The following STK24 variants were observed in gnomAD, a reference collection of about 807,000 sequenced individuals.
STK24 encodes the protein serine/threonine kinase 24.
STK24 carries 21 observed loss-of-function variants against 55.6 expected under a neutral mutation model. The ratio of observed to expected loss-of-function variants is 0.38; its 90% CI spans 0.27 to 0.54. The LOEUF is 0.54. STK24 is among the 20% of genes least tolerant of loss of function. STK24 has a pLI of 0.79. For synonymous variants in STK24, 200 were observed against 215.2 expected (o/e 0.93, Z 0.62); for missense variants, 383 against 538.4 (o/e 0.71, Z 2.86).
chr13:98,483,829 C>T (rs1038878812), intron 2 of STK24, among the ~76,000 whole-genome samples: 1 of 152,198 alleles, frequency 6.6e-6, no homozygotes, highest in South Asian at 2.1e-4. Flanking sequence ...CGGTAAGATG[C>T]ACTGCATTTA....
chr13:98,503,430 T>G (rs761388854), intron 2 of STK24, among the ~76,000 whole-genome samples: 3 of 152,244 alleles, frequency 2.0e-5, no homozygotes, highest in Non-Finnish European at 4.4e-5. Context: ...ATTCATTTGG[T>G]GACCTTGAGT....
At chr13:98,497,433 A>G (rs1371627076) in intron 2 of STK24, among the ~76,000 whole-genome samples, 1 of 152,172 alleles carries the variant, frequency 6.6e-6, no homozygotes. Context: ...TAAGACACCA[A>G]TGTTTCTGTT....
chr13:98,465,997 A>G (rs1893913990), intron 6 of STK24, among the ~76,000 whole-genome samples: 2 of 152,226 alleles, frequency 1.3e-5, no homozygotes, highest in South Asian at 4.1e-4. Context: ...AAGTGAAAAC[A>G]TTTACTTTAA....
intron 2 of STK24, among the ~76,000 whole-genome samples, chr13:98,505,688 T>C (rs1424933843): frequency 6.6e-6 from 1 of 152,240 alleles, no homozygotes; most frequent in Non-Finnish European, 1.5e-5. Flanking sequence ...TAAATTTCTT[T>C]CAGCAATTCC....
chr13:98,509,531 T>C (rs1895807005), intron 2 of STK24, among the ~76,000 whole-genome samples: 1 of 152,206 alleles, frequency 6.6e-6, no homozygotes, highest in Non-Finnish European at 1.5e-5. Flanking sequence ...AAACATAAAA[T>C]TTGTATATTA....
At chr13:98,526,315 G>T (rs938437973) in intron 1 of STK24, among the ~76,000 whole-genome samples, 1 of 152,086 alleles carries the variant, frequency 6.6e-6, no homozygotes, top group Non-Finnish European at 1.5e-5. Flanking sequence ...TGCACACAGC[G>T]TGTAGCCAGC....
At chr13:98,489,343 A>G (rs1894931069) in intron 2 of STK24, among the ~76,000 whole-genome samples, 1 of 152,232 alleles carries the variant, frequency 6.6e-6, no homozygotes, top group South Asian at 2.1e-4. Context: ...TTACCTTCAG[A>G]GCAGCCCCTG....
rs565135040 is a variant in STK24 at position 98,498,296 on chromosome 13, T to C, written c.274-15975A>G. Among the ~76,000 whole-genome samples the C allele has an allele frequency of 7.9e-5, 12 of 152,302 alleles. No individual in the cohort carries two copies. In the South Asian group the frequency reaches 2.5e-3, roughly 32 times the overall value. Reference sequence around the variant, plus strand: ...TTGCTCCTAATGTCACTGGACAAAGTGGTGAAAGACTAGGATGAACTAAGG... The same window carrying C: ...TTGCTCCTAATGTCACTGGACAAAGCGGTGAAAGACTAGGATGAACTAAGG... On this transcript the variant is annotated intron_variant, in intron 2 of 10. Transcript: ENST00000539966.
At chr13:98,485,514 T>A (rs1206865370) in intron 2 of STK24, among the ~76,000 whole-genome samples, 4 of 152,206 alleles carry the variant, frequency 2.6e-5, no homozygotes, top group Non-Finnish European at 2.9e-5. Flanking sequence ...CTCAGAATCT[T>A]GTAGCCCCAA....
chr13:98,453,458 G>A, intron 10 of STK24: 1 of 498,870 alleles, frequency 2.0e-6, no homozygotes, highest in Non-Finnish European at 3.5e-6. Flanking sequence ...TCCCTGGAGA[G>A]ATGTGAATAA....
intron 3 of STK24, among the ~76,000 whole-genome samples, chr13:98,476,247 C>CT (rs1011411960): frequency 1.4e-5 from 2 of 147,412 alleles, no homozygotes; most frequent in Non-Finnish European, 3.0e-5. Context: ...GAAGCCCCCC[C>CT]CCGCCCCCTG....
chr13:98,544,040 A>G (rs930575770), intron 1 of STK24, among the ~76,000 whole-genome samples: 2 of 152,232 alleles, frequency 1.3e-5, no homozygotes, highest in African/African-American at 4.8e-5. Context: ...GGCTTCTAGT[A>G]AAAGCCATTA....
intron 7 of STK24, 55 bp from the exon 8 acceptor site, chr13:98,461,952 C>A: frequency 3.7e-6 from 6 of 1,600,410 alleles, no homozygotes; most frequent in Non-Finnish European, 5.1e-6. Context: ...GCTCTGGGGG[C>A]GCTGGGACGT....
intron 1 of STK24, among the ~76,000 whole-genome samples, chr13:98,531,052 C>G (rs760396468): frequency 1.3e-5 from 2 of 152,158 alleles, no homozygotes; most frequent in Non-Finnish European, 2.9e-5. Flanking sequence ...AATCCTAAAG[C>G]TGACTGCAAA....
At chr13:98,547,452 G>A (rs1299515254) in intron 1 of STK24, among the ~76,000 whole-genome samples, 1 of 152,162 alleles carries the variant, frequency 6.6e-6, no homozygotes, top group Admixed American at 6.5e-5. Flanking sequence ...GGAGGCTGTG[G>A]CGTGAGGACT....
At chr13:98,547,316 G>A (rs986467432) in intron 1 of STK24, among the ~76,000 whole-genome samples, 3 of 152,144 alleles carry the variant, frequency 2.0e-5, no homozygotes, top group African/African-American at 7.2e-5. Flanking sequence ...GGAGGCCAAG[G>A]TGGGAGAATC....
At chr13:98,494,228 G>A (rs1251502834) in intron 2 of STK24, among the ~76,000 whole-genome samples, 6 of 147,656 alleles carry the variant, frequency 4.1e-5, no homozygotes, top group South Asian at 4.3e-4. Flanking sequence ...TGGCTAACAC[G>A]GTGAAACCCC....
chr13:98,456,474 C>T lies in STK24; in HGVS notation c.1259+694G>A, dbSNP rs7333129. 8.6e-3 allele frequency: 4,384 copies of T among 509,552 alleles called. 155 individuals are homozygous for T. The highest frequency in any genetic ancestry group is 0.076 in the African/African-American group (3,895 of 51,284). The allele number at this position is 509,552 out of a possible 1,614,324, so 31.6% of individuals were successfully genotyped here. A position where few individuals can be genotyped will look rare whatever the true frequency, so the allele number is the denominator to read the frequency against. On this transcript the variant is annotated intron_variant, in intron 10 of 10. Transcript: ENST00000539966. ...CAAATCACCCTCAGGTCACACAGAG[C>T]GGCTTCCCAGCACACATCCACTGCC...
intron 1 of STK24, among the ~76,000 whole-genome samples, chr13:98,544,344 G>A (rs577783825): frequency 1.3e-4 from 20 of 152,336 alleles, no homozygotes; most frequent in Non-Finnish European, 2.5e-4. Context: ...CCTGGCCCAC[G>A]AGGGCATCTC....
Sources: gnomAD v4.1 joint callset for allele counts (sites outside exome capture counted in the v4.1 genomes callset) on GRCh38, gnomAD v4.1.1 for gene constraint, MANE v1.5 for transcripts, NCBI Gene and HGNC (gene_info 2026-07-23, HGNC 2026-07-21) for gene names.